Variants in EDA observed in about 807,000 individuals in gnomAD.
EDA encodes ectodysplasin A, also known as ectodysplasin-A.
Under a neutral mutation model 23.6 loss-of-function variants are expected in EDA, and 2 were observed. The ratio of observed to expected loss-of-function variants is 0.08; its 90% CI spans 0.03 to 0.27. EDA has a LOEUF of 0.27. Among genes scored for constraint, EDA ranks in the 10% least tolerant of loss-of-function variants. The pLI is 1.00. For missense variants in EDA, 229 were observed against 324.2 expected (o/e 0.71, Z 2.26); for synonymous variants, 131 against 132.0 (o/e 0.99, Z 0.05).
At chrX:69,833,894 C>G (rs1342648805) in intron 1 of EDA, among the ~76,000 whole-genome samples, 1 of 108,669 alleles carries the variant, frequency 9.2e-6, no homozygotes, top group Non-Finnish European at 1.9e-5. Context: ...TGTTAGTGTG[C>G]TGCACCCATT....
chrX:70,024,092 G>C (rs1190043921), intron 3 of EDA, among the ~76,000 whole-genome samples: 1 of 112,764 alleles, frequency 8.9e-6, no homozygotes, highest in Non-Finnish European at 1.9e-5. Flanking sequence ...TAAAGCACCT[G>C]TTTGTTTCTG....
intron 1 of EDA, among the ~76,000 whole-genome samples, chrX:69,776,205 T>C (rs1226215453): frequency 3.6e-5 from 4 of 112,081 alleles, no homozygotes; most frequent in Non-Finnish European, 7.5e-5. Context: ...GGGGCTCAAT[T>C]TGATGCCAGG....
chrX:69,869,879 C>T (rs2017540228), intron 1 of EDA, among the ~76,000 whole-genome samples: 1 of 112,126 alleles, frequency 8.9e-6, no homozygotes, highest in African/African-American at 3.2e-5. Flanking sequence ...TGGTTCCCAC[C>T]ATTAGATCTG....
At chrX:69,947,763 G>A (rs2018855453) in intron 1 of EDA, among the ~76,000 whole-genome samples, 1 of 111,881 alleles carries the variant, frequency 8.9e-6, no homozygotes, top group Non-Finnish European at 1.9e-5. Flanking sequence ...TATCTGTGGT[G>A]GGTGTAAATT....
At chrX:69,683,070 A>G (rs1602291828) in intron 1 of EDA, among the ~76,000 whole-genome samples, 1 of 111,503 alleles carries the variant, frequency 9.0e-6, no homozygotes, top group South Asian at 3.8e-4. Flanking sequence ...TCTCTAAAAT[A>G]GGGATAATAT....
At chrX:69,888,980 A>T (rs1486758105) in intron 1 of EDA, among the ~76,000 whole-genome samples, 2 of 29,906 alleles carry the variant, frequency 6.7e-5, no homozygotes, top group East Asian at 1.7e-3. Flanking sequence ...TGGGGTAGTT[A>T]TATATATATA....
chrX:69,823,490 GTCT>G (rs1331551609), intron 1 of EDA, among the ~76,000 whole-genome samples: 1 of 80,708 alleles, frequency 1.2e-5, no homozygotes, highest in African/African-American at 5.4e-5. Context: ...CTGCATAAAT[GTCT>G]TCTTTTGAGA....
At chrX:69,706,478 G>A (rs2520369) in intron 1 of EDA, among the ~76,000 whole-genome samples, 37,495 of 110,754 alleles carry the variant, frequency 0.34, 5,253 homozygotes, top group Middle Eastern at 0.58. Context: ...ACCATGACCC[G>A]TGACACAGCC....
intron 1 of EDA, among the ~76,000 whole-genome samples, chrX:69,725,159 AATGCG>A (rs1236250335): frequency 8.9e-6 from 1 of 111,788 alleles, no homozygotes; most frequent in Non-Finnish European, 1.9e-5. Context: ...TACCTCTGGG[AATGCG>A]ATTATTTATT....
At chrX:69,791,381 T>C (rs2015400710) in intron 1 of EDA, among the ~76,000 whole-genome samples, 1 of 111,114 alleles carries the variant, frequency 9.0e-6, no homozygotes, top group Non-Finnish European at 1.9e-5. Flanking sequence ...AATTTTGAAA[T>C]ACAAAAAAAT....
chrX:69,991,586 C>T (rs916513782), intron 2 of EDA, among the ~76,000 whole-genome samples: 17 of 111,542 alleles, frequency 1.5e-4, no homozygotes, highest in African/African-American at 5.6e-4. Flanking sequence ...TGTGGGCTTT[C>T]CACTCCATCT....
intron 2 of EDA, among the ~76,000 whole-genome samples, chrX:69,989,665 T>C (rs919341472): frequency 9.0e-6 from 1 of 110,933 alleles, no homozygotes; most frequent in Non-Finnish European, 1.9e-5. Flanking sequence ...AGCAAAGAAA[T>C]AGAAGTTATA....
chrX:69,773,156 A>C (rs1475864220), intron 1 of EDA, among the ~76,000 whole-genome samples: 2 of 112,422 alleles, frequency 1.8e-5, no homozygotes, highest in Non-Finnish European at 1.9e-5. Context: ...TATTAATGGA[A>C]TCATGATACA....
chrX:69,841,720 G>A (rs2016899421), intron 1 of EDA, among the ~76,000 whole-genome samples: 1 of 111,794 alleles, frequency 8.9e-6, no homozygotes, highest in Non-Finnish European at 1.9e-5. Context: ...TAAATAGTAA[G>A]GGACCTAAGT....
chrX:69,827,181 C>G (rs375831678), intron 1 of EDA, among the ~76,000 whole-genome samples: 3 of 111,099 alleles, frequency 2.7e-5, no homozygotes, highest in African/African-American at 9.8e-5. Context: ...ATGTGTCTTG[C>G]AGTTGCTCTT....
At chrX:69,993,061 CCTTT>C (rs931733149) in intron 2 of EDA, among the ~76,000 whole-genome samples, 1 of 110,340 alleles carries the variant, frequency 9.1e-6, no homozygotes, top group African/African-American at 3.3e-5. Flanking sequence ...ATTGAAGAGT[CCTTT>C]CTTTCCCCAT....
chrX:69,739,196 A>T (rs749264435), intron 1 of EDA, among the ~76,000 whole-genome samples: 6 of 110,965 alleles, frequency 5.4e-5, no homozygotes, highest in Non-Finnish European at 1.1e-4. Context: ...TTTAATTGTT[A>T]TGTCTTCCTA....
intron 2 of EDA, among the ~76,000 whole-genome samples, chrX:70,014,341 C>A (rs1187128101): frequency 1.8e-5 from 2 of 112,918 alleles, no homozygotes; most frequent in Admixed American, 1.9e-4. Flanking sequence ...CTAGCGTACC[C>A]CCCGATAAAA....
At chrX:69,783,192 C>T (rs185958807) in intron 1 of EDA, among the ~76,000 whole-genome samples, 57 of 111,337 alleles carry the variant, frequency 5.1e-4, no homozygotes, top group African/African-American at 1.7e-3. Flanking sequence ...AAATAGTTCT[C>T]GCTGGATTAA....
Sources: allele counts gnomAD v4.1 joint callset (sites outside exome capture counted in the v4.1 genomes callset), GRCh38; gene constraint gnomAD v4.1.1; transcripts MANE v1.5; gene names NCBI Gene and HGNC (gene_info 2026-07-23, HGNC 2026-07-21).